The following CCDC74B variants were observed in gnomAD, a reference collection of about 807,000 sequenced individuals.
The protein encoded by CCDC74B is coiled-coil domain-containing protein 74B.
A neutral mutation model predicts 38.0 loss-of-function variants in CCDC74B; 34 were observed. The observed-to-expected ratio is 0.89, with a 90% CI of 0.68 to 1.19. The LOEUF is 1.19. Ranked by LOEUF, CCDC74B falls within the 50% of genes most tolerant of loss-of-function variation. The pLI is 0.00. For missense variants in CCDC74B, 358 were observed against 406.0 expected, an observed-to-expected ratio of 0.88 and a Z score of 1.02; for synonymous variants, 132 against 170.4, an observed-to-expected ratio of 0.77 and a Z score of 1.76.
At chr2:130,143,372 G>A in intron 1 of CCDC74B, 59 bp from the exon 2 acceptor site, 2 of 1,610,016 alleles carry the variant, frequency 1.2e-6, no homozygotes, top group Non-Finnish European at 8.5e-7. Context: ...TCTGAGAGAA[G>A]AAGCCTGGCC....
intron 2 of CCDC74B, chr2:130,142,549 G>A (rs1353027432): frequency 2.6e-6 from 4 of 1,551,436 alleles, no homozygotes; most frequent in Non-Finnish European, 3.5e-6. Context: ...GCTAGGGAAG[G>A]GCCCTCCCTC....
chr2:130,143,273 C>A lies in CCDC74B; in HGVS notation c.291G>T (p.Lys97Asn). Residue 97 changes from lysine to asparagine, a missense_variant, in exon 2 of 8, where the codon AAG (lysine) becomes AAT (asparagine). Coordinates refer to ENST00000409943, the MANE Select transcript of CCDC74B (RefSeq NM_001258307.2). ...ACTGAAGGGCCCAGTTCTCACCTTT[C>A]TTCTGTGATGTCTGATTCATTATGA... Reference protein sequence around the residue: ...YKLIMNQTSQKKDSLSTSSFQ... With the variant: ...YKLIMNQTSQNKDSLSTSSFQ... 1.2e-6 allele frequency: 2 copies of A among 1,613,910 alleles called. No individual in the cohort carries two copies. Among genetic ancestry groups the A allele is most frequent in the South Asian group, 2.2e-5 (2 of 91,082 alleles).
intron 2 of CCDC74B, chr2:130,143,004 GA>G: frequency 6.7e-7 from 1 of 1,498,070 alleles, no homozygotes; most frequent in Admixed American, 2.2e-5. Context: ...TTGGAGGAGG[GA>G]GGTCTGGGGA....
chr2:130,143,464 C>G, intron 1 of CCDC74B, 151 bp from the exon 2 acceptor site: 1 of 1,081,832 alleles, frequency 9.2e-7, no homozygotes, highest in Non-Finnish European at 1.4e-6. Context: ...CCGCTCTCCA[C>G]CATGCCTTTG....
chr2:130,144,209 G>T (rs183169163), intron 1 of CCDC74B, among the ~76,000 whole-genome samples: 1 of 152,006 alleles, frequency 6.6e-6, no homozygotes, highest in Non-Finnish European at 1.5e-5. Context: ...GCAAGATCTC[G>T]GCTCACTGCA....
At chr2:130,142,012 T>C (rs1685664647) in intron 3 of CCDC74B, 121 bp downstream of exon 3, 4 of 1,319,044 alleles carry the variant, frequency 3.0e-6, no homozygotes, top group Admixed American at 2.7e-5. Context: ...TGCACCTTCA[T>C]CCCCAAATCC....
rs1362742972 is a variant in CCDC74B, at chr2:130,139,958, G to A, written c.753-11C>T. ...GTGGCTTCTTGGTCCCTGGGTGAAG[G>A]AAGAGTCAGCAGTGAGCTGTGGATA... On this transcript the variant is annotated splice_polypyrimidine_tract_variant and intron_variant, in intron 6 of 7. Coordinates refer to ENST00000409943, the MANE Select transcript of CCDC74B (RefSeq NM_001258307.2). 9 of 1,610,550 alleles carry A rather than the reference G, an allele frequency of 5.6e-6. No homozygotes were observed. The highest frequency in any genetic ancestry group is 6.8e-6 in the Non-Finnish European group (8 of 1,178,432).
Position 130,139,940 on chromosome 2 carries a change from C to T in CCDC74B, c.760G>A (p.Glu254Lys), listed in dbSNP as rs770488358. The T allele has an allele frequency of 1.2e-6, 2 of 1,611,806 alleles. No homozygotes were observed. The highest frequency in any genetic ancestry group is 1.7e-5 in the Admixed American group (1 of 59,770). The change falls in exon 7 of 8, where the codon GAA (glutamate) becomes AAA (lysine). Residue 254 changes from glutamate to lysine, a missense_variant. Transcript: ENST00000409943. ...PEEASFPRDQ[E>K]ATHFPKVSTK... ...GAGACCTTGGGGAAATGCGTGGCTT[C>T]TTGGTCCCTGGGTGAAGGAAGAGTC...
intron 1 of CCDC74B, 105 bp from the exon 2 acceptor site, chr2:130,143,418 C>A (rs1323536389): frequency 3.4e-6 from 5 of 1,454,136 alleles, no homozygotes; most frequent in South Asian, 3.4e-5. Context: ...AAAGTCCTGC[C>A]CCCCCACTGG....
chr2:130,140,117 C>T (rs767931161), intron 5 of CCDC74B, 21 bp from the exon 6 acceptor site: 30 of 1,612,982 alleles, frequency 1.9e-5, no homozygotes, highest in Admixed American at 1.0e-4. Context: ...GGGGCAGGGG[C>T]GTGGTGGGGC....
intron 1 of CCDC74B, among the ~76,000 whole-genome samples, chr2:130,143,994 G>A (rs1174034820): frequency 7.0e-6 from 1 of 142,126 alleles, no homozygotes; most frequent in African/African-American, 2.6e-5. Context: ...AGGCCCCGCC[G>A]GAGGACAGCA....
chr2:130,144,315 A>G, intron 1 of CCDC74B: 1 of 551,704 alleles, frequency 1.8e-6, no homozygotes, highest in East Asian at 5.0e-5. Context: ...AACTTTTTGT[A>G]TTTTTAGTAG....
At position 130,139,667 on chromosome 2, in the gene CCDC74B, G is replaced by A. The variant is rs544811183; in HGVS notation, c.833C>T (p.Ala278Val). ...CAGTGCGGGCAGGATGGCACGCTCCGCCACAGGTGGGCTCAGAAGCAGGCT... is the reference window on the plus strand; with the variant it reads ...CAGTGCGGGCAGGATGGCACGCTCCACCACAGGTGGGCTCAGAAGCAGGCT... ...KKCLLLSPPVAERAILPALKQ... is the reference protein window; with the variant it reads ...KKCLLLSPPVVERAILPALKQ... The change falls in exon 8 of 8, where the codon GCG (alanine) becomes GTG (valine). Residue 278 changes from alanine (A) to valine (V), a missense_variant. This residue lies in a region of CCDC74B where 213 missense variants were observed against 212.3 expected (regional missense o/e 1.00). Coordinates refer to ENST00000409943, the MANE Select transcript of CCDC74B (RefSeq NM_001258307.2). The A allele has an allele frequency of 1.3e-5, 21 of 1,613,130 alleles. No individual in the cohort carries two copies. The highest frequency in any genetic ancestry group is 1.1e-4 in the South Asian group (10 of 91,056).
chr2:130,144,904 G>C lies in CCDC74B; in HGVS notation c.93C>G (p.Val31=). The C allele has an allele frequency of 6.3e-7, 1 of 1,587,848 alleles. No homozygotes were observed. The highest frequency in any genetic ancestry group is 1.2e-5 in the South Asian group (1 of 86,390). The change falls in exon 1 of 8, where the codon GTC becomes GTG. Residue 31 remains valine, a synonymous_variant. Transcript: ENST00000409943. ...RRRRQRPSVG[V]QSLRPQSPQL... Reference sequence around the variant, plus strand: ...GCGGGCTCTGCGGCCTCAAGGACTGGACGCCCACAGAGGGGCGCTGGCGCC... The same window carrying C: ...GCGGGCTCTGCGGCCTCAAGGACTGCACGCCCACAGAGGGGCGCTGGCGCC...
At chr2:130,143,473 T>C (rs530699791) in intron 1 of CCDC74B, among the ~76,000 whole-genome samples, 160 bp from the exon 2 acceptor site, 85 of 152,326 alleles carry the variant, frequency 5.6e-4, no homozygotes, top group South Asian at 1.9e-3. Flanking sequence ...ACCATGCCTT[T>C]GTCGTGGGTG....
chr2:130,144,423 G>A (rs1162582161), intron 1 of CCDC74B: 4 of 1,125,352 alleles, frequency 3.6e-6, no homozygotes, highest in Non-Finnish European at 5.3e-6. Context: ...ACAGGCGTGA[G>A]CCGCCGCGCC....
At chr2:130,144,621 C>G (rs2292302) in intron 1 of CCDC74B, 126 bp downstream of exon 1, 10 of 1,527,116 alleles carry the variant, frequency 6.5e-6, no homozygotes, top group Non-Finnish European at 8.8e-6. Flanking sequence ...GCGGGCTTAC[C>G]GTCCTGTGTT....
rs867346139 is a variant in CCDC74B, at chr2:130,139,312, A to G, written c.*243T>C. 2.2e-5 allele frequency: 12 copies of G among 537,694 alleles called. 1 individual carries two copies. The highest frequency in any genetic ancestry group is 4.9e-4 in the Middle Eastern group (1 of 2,036). The allele number at this position is 537,694 out of a possible 1,614,324, so 33.3% of individuals were successfully genotyped here. A position where few individuals can be genotyped will look rare whatever the true frequency, so the allele number is the denominator to read the frequency against. On this transcript the variant is annotated 3_prime_UTR_variant, in exon 8 of 8. Transcript: ENST00000409943. Reference sequence around the variant, plus strand: ...TTGGAAATAAACAAGCTTTATTTTCAGTTTCAACAGGTAAGGCGATACCTG... The same window carrying G: ...TTGGAAATAAACAAGCTTTATTTTCGGTTTCAACAGGTAAGGCGATACCTG...
At chr2:130,140,423 C>T in intron 4 of CCDC74B, 52 bp from the exon 5 acceptor site, 1 of 1,506,868 alleles carries the variant, frequency 6.6e-7, no homozygotes, top group Non-Finnish European at 8.9e-7. Flanking sequence ...TGCGTCTAAC[C>T]ACCCACCCAG....
Sources: allele counts gnomAD v4.1 joint callset (sites outside exome capture counted in the v4.1 genomes callset), GRCh38; gene constraint gnomAD v4.1.1; regional missense constraint gnomAD v4.1.1; transcripts MANE v1.5; gene names NCBI Gene and HGNC (gene_info 2026-07-23, HGNC 2026-07-21).